Variants in PRKCE observed in about 807,000 individuals in gnomAD.
PRKCE encodes protein kinase C epsilon.
A neutral mutation model predicts 85.4 loss-of-function variants in PRKCE; 16 were observed. The ratio of observed to expected loss-of-function variants is 0.19; its 90% CI spans 0.13 to 0.28. The LOEUF (loss-of-function observed/expected upper bound fraction) is 0.28, where lower values mean the gene tolerates loss of function less well. Among genes scored for constraint, PRKCE ranks in the 10% least tolerant of loss-of-function variants. The pLI is 1.00. For synonymous variants in PRKCE, 388 were observed against 371.5 expected, an observed-to-expected ratio of 1.04 and a Z score of -0.51; for missense variants, 573 against 975.2, an observed-to-expected ratio of 0.59 and a Z score of 5.49.
chr2:46,158,730 A>G (rs1374613615), intron 13 of PRKCE, among the ~76,000 whole-genome samples: 3 of 152,236 alleles, frequency 2.0e-5, no homozygotes, highest in Non-Finnish European at 2.9e-5. Context: ...TGTCTCTAAC[A>G]CTCATGCACA....
intron 1 of PRKCE, among the ~76,000 whole-genome samples, chr2:45,800,503 C>T (rs1020530884): frequency 3.9e-5 from 6 of 152,224 alleles, no homozygotes; most frequent in Non-Finnish European, 8.8e-5. Flanking sequence ...CAGTTGGCTA[C>T]AGGCTCTTGC....
At chr2:45,653,004 C>T (rs1337631082) in intron 1 of PRKCE, among the ~76,000 whole-genome samples, 1 of 152,132 alleles carries the variant, frequency 6.6e-6, no homozygotes, top group Non-Finnish European at 1.5e-5. Flanking sequence ...GTGTTCTCCT[C>T]CAGGATGTCT....
chr2:45,870,148 C>G (rs1270858266), intron 2 of PRKCE, among the ~76,000 whole-genome samples: 2 of 152,190 alleles, frequency 1.3e-5, no homozygotes, highest in Admixed American at 1.3e-4. Context: ...AAGGGCTCCT[C>G]ACATCTGAGT....
chr2:45,673,602 C>G (rs1488822655), intron 1 of PRKCE, among the ~76,000 whole-genome samples: 1 of 152,140 alleles, frequency 6.6e-6, no homozygotes, highest in African/African-American at 2.4e-5. Context: ...AGGAAATAAT[C>G]ATTATCCATT....
intron 1 of PRKCE, among the ~76,000 whole-genome samples, chr2:45,725,148 A>G (rs1403270503): frequency 1.3e-5 from 2 of 152,252 alleles, no homozygotes; most frequent in Non-Finnish European, 2.9e-5. Context: ...CATTCTTTAC[A>G]TTCTTAAGAA....
chr2:45,671,853 G>A (rs1676178398), intron 1 of PRKCE, among the ~76,000 whole-genome samples: 2 of 152,108 alleles, frequency 1.3e-5, no homozygotes, highest in African/African-American at 4.8e-5. Context: ...GGGATTGCTT[G>A]AGGTCAAGAC....
Position 46,085,742 on chromosome 2 carries a change from T to TTG in PRKCE, c.1438-465_1438-464insGT, listed in dbSNP as rs1428253577. ...AATTACATCTGCAAAATCCGTTTTT[T>TTG]TTTTTTGTTTTTGTTTTTTTTTTTT... On this transcript the variant is annotated intron_variant, in intron 10 of 14. Coordinates refer to ENST00000306156, the MANE Select transcript of PRKCE (RefSeq NM_005400.3). Among the ~76,000 whole-genome samples, 16 of 17,324 alleles carry TTG rather than the reference T, an allele frequency of 9.2e-4. 2 individuals carry two copies. The highest frequency in any genetic ancestry group is 2.7e-3 in the Admixed American group (3 of 1,120). 11.4% of individuals were successfully genotyped at this position (17,324 alleles called of 152,430 possible).
At chr2:45,917,849 G>A (rs764811246) in intron 2 of PRKCE, among the ~76,000 whole-genome samples, 2 of 152,238 alleles carry the variant, frequency 1.3e-5, no homozygotes, top group Non-Finnish European at 2.9e-5. Flanking sequence ...GCGAGAAATC[G>A]AGCGCAGCGC....
chr2:45,885,413 A>G (rs1460407261), intron 2 of PRKCE, among the ~76,000 whole-genome samples: 1 of 152,164 alleles, frequency 6.6e-6, no homozygotes, highest in African/African-American at 2.4e-5. Flanking sequence ...TGCCTGGGAC[A>G]TTTATATTCG....
intron 10 of PRKCE, among the ~76,000 whole-genome samples, chr2:46,030,159 A>C (rs1707416039): frequency 6.6e-6 from 1 of 152,314 alleles, no homozygotes; most frequent in Admixed American, 6.5e-5. Flanking sequence ...CTGTCTCCAT[A>C]GTCTAAGAAC....
intron 1 of PRKCE, among the ~76,000 whole-genome samples, chr2:45,809,642 G>A (rs74698897): frequency 0.045 from 6,794 of 151,740 alleles, 531 homozygotes; most frequent in African/African-American, 0.16. Context: ...CCAGCCCTTC[G>A]GAAGGCTGAG....
intron 1 of PRKCE, among the ~76,000 whole-genome samples, chr2:45,695,537 C>T (rs920219193): frequency 2.6e-5 from 4 of 152,168 alleles, no homozygotes; most frequent in African/African-American, 9.7e-5. Context: ...CTTTGGGAGG[C>T]TGAGGTGGGT....
chr2:45,930,156 G>T (rs1558847829), intron 2 of PRKCE, among the ~76,000 whole-genome samples: 1 of 152,214 alleles, frequency 6.6e-6, no homozygotes, highest in Non-Finnish European at 1.5e-5. Flanking sequence ...TTACTGTTCT[G>T]TGCGACACCC....
At chr2:46,114,706 ACCGTGCCCAGCCCCAGAGTCCAAGGC>A (rs67244703) in intron 11 of PRKCE, among the ~76,000 whole-genome samples, 61,376 of 149,904 alleles carry the variant, frequency 0.41, 14,074 homozygotes, top group East Asian at 0.54. Flanking sequence ...GGCATGAGCC[ACCGTGCCCAGCCCCAGAGTCCAAGGC>A]TTTTAAGAGA....
At chr2:45,653,579 T>C (rs1254756224) in intron 1 of PRKCE, among the ~76,000 whole-genome samples, 1 of 152,088 alleles carries the variant, frequency 6.6e-6, no homozygotes, top group Non-Finnish European at 1.5e-5. Context: ...TGCTTTCTAT[T>C]GAAAACCAGC....
At chr2:45,797,178 A>C (rs1687505806) in intron 1 of PRKCE, among the ~76,000 whole-genome samples, 1 of 152,178 alleles carries the variant, frequency 6.6e-6, no homozygotes, top group Non-Finnish European at 1.5e-5. Context: ...CTTGTTGTCC[A>C]TGTGGGGAGA....
At chr2:45,921,485 C>T (rs890943359) in intron 2 of PRKCE, among the ~76,000 whole-genome samples, 14 of 152,244 alleles carry the variant, frequency 9.2e-5, no homozygotes, top group African/African-American at 3.4e-4. Context: ...ATTTGTTCCT[C>T]ACAATGACCC....
intron 1 of PRKCE, among the ~76,000 whole-genome samples, chr2:45,811,377 A>G (rs564295330): frequency 6.6e-6 from 1 of 152,320 alleles, no homozygotes; most frequent in East Asian, 1.9e-4. Context: ...GAAAATAAGC[A>G]TGCAGGAGAG....
At chr2:45,866,555 C>T (rs1260055163) in intron 2 of PRKCE, among the ~76,000 whole-genome samples, 1 of 152,204 alleles carries the variant, frequency 6.6e-6, no homozygotes, top group African/African-American at 2.4e-5. Flanking sequence ...GATCCACCCG[C>T]CTTGGCCTAC....
Sources: gnomAD v4.1 joint callset for allele counts (sites outside exome capture counted in the v4.1 genomes callset) on GRCh38, gnomAD v4.1.1 for gene constraint, MANE v1.5 for transcripts, NCBI Gene and HGNC (gene_info 2026-07-23, HGNC 2026-07-21) for gene names.